Variants in RALY observed in about 807,000 individuals in gnomAD.
The protein encoded by RALY is RNA-binding protein Raly.
In RALY, 15 loss-of-function variants were observed where a neutral mutation model predicts 30.7. The observed-to-expected ratio is 0.49, with a 90% CI of 0.33 to 0.75. The LOEUF (loss-of-function observed/expected upper bound fraction) is 0.75, where lower values mean the gene tolerates loss of function less well. Ranked by LOEUF, RALY falls within the 30% of genes least tolerant of loss-of-function variation. The pLI, the probability that RALY is intolerant of heterozygous loss-of-function variation, is 0.02. For missense variants in RALY, 339 were observed against 414.3 expected, an observed-to-expected ratio of 0.82 and a Z score of 1.58; for synonymous variants, 177 against 170.8, an observed-to-expected ratio of 1.04 and a Z score of -0.28.
At chr20:34,029,161 A>G (rs992703948) in intron 1 of RALY, among the ~76,000 whole-genome samples, 3 of 152,152 alleles carry the variant, frequency 2.0e-5, no homozygotes, top group Admixed American at 2.0e-4. Flanking sequence ...CTGAACCAAG[A>G]GGAAGTTGAC....
intron 2 of RALY, among the ~76,000 whole-genome samples, chr20:34,069,584 C>T (rs1383414984): frequency 6.6e-6 from 1 of 152,138 alleles, no homozygotes; most frequent in Admixed American, 6.5e-5. Flanking sequence ...ACACAGGGGC[C>T]CTATTAACTT....
intron 5 of RALY, among the ~76,000 whole-genome samples, chr20:34,074,445 C>G (rs760278787): frequency 2.6e-5 from 4 of 152,126 alleles, no homozygotes; most frequent in African/African-American, 4.8e-5. Flanking sequence ...TAGATACTAA[C>G]TCAAATCTCT....
At chr20:34,020,225 T>A (rs1457568638) in intron 1 of RALY, among the ~76,000 whole-genome samples, 1 of 152,124 alleles carries the variant, frequency 6.6e-6, no homozygotes, top group Non-Finnish European at 1.5e-5. Context: ...ACAGATTACC[T>A]GGGAAGGAGG....
intron 2 of RALY, among the ~76,000 whole-genome samples, chr20:34,061,771 T>C (rs1316080131): frequency 6.6e-6 from 1 of 152,198 alleles, no homozygotes; most frequent in African/African-American, 2.4e-5. Flanking sequence ...AAACTTTGGA[T>C]AGGTTATAGG....
chr20:34,003,703 G>A (rs541439626), intron 1 of RALY, among the ~76,000 whole-genome samples: 272 of 148,942 alleles, frequency 1.8e-3, no homozygotes, highest in Non-Finnish European at 2.9e-3. Flanking sequence ...GCAGTGGCGG[G>A]ATCTCGGCTC....
intron 2 of RALY, among the ~76,000 whole-genome samples, chr20:34,033,001 A>G (rs1286059552): frequency 6.6e-6 from 1 of 152,186 alleles, no homozygotes; most frequent in Admixed American, 6.5e-5. Context: ...ACCTTCAAGC[A>G]GGCAGAGGCC....
intron 1 of RALY, among the ~76,000 whole-genome samples, chr20:33,999,423 G>A (rs1396300892): frequency 5.3e-5 from 8 of 152,296 alleles, no homozygotes; most frequent in African/African-American, 1.4e-4. Flanking sequence ...AACTGGTCAT[G>A]TTCCTGGCTA....
intron 2 of RALY, among the ~76,000 whole-genome samples, chr20:34,064,390 CCT>C (rs2123226342): frequency 6.6e-6 from 1 of 152,198 alleles, no homozygotes; most frequent in East Asian, 1.9e-4. Context: ...TTTGGGGTAT[CCT>C]CTCAGGGCCC....
chr20:34,073,411 A>G, intron 3 of RALY, 152 bp from the exon 4 acceptor site: 1 of 673,100 alleles, frequency 1.5e-6, no homozygotes, highest in South Asian at 1.7e-5. Context: ...TTTGAAGATT[A>G]GATGTATGAA....
In RALY at chr20:34,077,215, A is replaced by G. The variant is rs2033917140; in HGVS notation, c.846A>G (p.Glu282=). ...EARTRDDGDE[E]GLLTHSEEEL... ...GGACCCGAGACGACGGCGATGAGGA[A>G]GGGCTCCTGACACACAGCGAGGAAG... The change falls in exon 8 of 10, where the codon GAA becomes GAG. Residue 282 remains glutamate (E), a synonymous_variant. Coordinates refer to ENST00000246194, the MANE Select transcript of RALY (RefSeq NM_016732.3). The G allele has an allele frequency of 3.1e-6, 5 of 1,613,694 alleles. No individual in the cohort carries two copies. The highest frequency in any genetic ancestry group is 3.3e-4 in the Middle Eastern group (2 of 6,080).
intron 1 of RALY, 133 bp from the exon 2 acceptor site, chr20:34,031,389 A>G (rs970728469): frequency 6.6e-6 from 1 of 151,942 alleles, no homozygotes; most frequent in African/African-American, 2.4e-5. Flanking sequence ...GGCACTTAGC[A>G]CTACTTGAAA....
chr20:34,024,397 G>A (rs2031942434), intron 1 of RALY, among the ~76,000 whole-genome samples: 1 of 152,176 alleles, frequency 6.6e-6, no homozygotes, highest in African/African-American at 2.4e-5. Flanking sequence ...GGATCTTCTA[G>A]GGAAGGAGGA....
chr20:34,025,819 A>G (rs1846121267), intron 1 of RALY, among the ~76,000 whole-genome samples: 2 of 146,438 alleles, frequency 1.4e-5, no homozygotes, highest in African/African-American at 5.1e-5. Context: ...TTTGATGTCC[A>G]CACCCAGGCT....
intron 1 of RALY, among the ~76,000 whole-genome samples, chr20:34,020,574 G>C (rs1273170124): frequency 6.6e-6 from 1 of 152,228 alleles, no homozygotes; most frequent in Non-Finnish European, 1.5e-5. Flanking sequence ...ATTGGAGACA[G>C]ATTAGTTAGA....
intron 1 of RALY, among the ~76,000 whole-genome samples, chr20:33,997,469 C>T (rs2030695303): frequency 6.6e-6 from 1 of 152,112 alleles, no homozygotes; most frequent in Non-Finnish European, 1.5e-5. Context: ...CTTGTTTGCA[C>T]CTGCCCTTCT....
intron 2 of RALY, among the ~76,000 whole-genome samples, chr20:34,065,484 A>G (rs906022474): frequency 6.6e-6 from 1 of 152,208 alleles, no homozygotes; most frequent in African/African-American, 2.4e-5. Flanking sequence ...GAGCTGACTC[A>G]TGAGAGTGGG....
rs1162942412 is a variant in RALY, at chr20:34,077,039, AAGG to A, written c.671_673del (p.Lys224_Gly225delinsSer). On this transcript the variant is annotated inframe_deletion, in exon 8 of 10. Coordinates refer to ENST00000246194, the MANE Select transcript of RALY (RefSeq NM_016732.3). Reference sequence around the variant, plus strand: ...CCCTTCCCCTCAAGATGGCAAGAAGAAGGGTGATGGAGGTGGCGCCGGCGGCGG... The same window carrying A: ...CCCTTCCCCTCAAGATGGCAAGAAGAGTGATGGAGGTGGCGCCGGCGGCGG... 5 of 1,604,794 alleles carry A rather than the reference AAGG, an allele frequency of 3.1e-6. No individual in the cohort carries two copies. The highest frequency in any genetic ancestry group is 2.8e-5 in the African/African-American group (2 of 72,618).
At position 34,025,899 on chromosome 20, in the gene RALY, G is replaced by GTTTTTTTTTTT. The variant is rs35827160; in HGVS notation, c.-92-5611_-92-5601dup. ...AGCTTCCAGCAGTAGATTCCTGGTT[G>GTTTTTTTTTTT]TTTTTTTTTTTTTTTTTTTTTTGTG... On this transcript the variant is annotated intron_variant, in intron 1 of 9. Transcript: ENST00000246194. Among the ~76,000 whole-genome samples the GTTTTTTTTTTT allele has an allele frequency of 1.4e-4, 11 of 75,914 alleles. 2 individuals are homozygous for GTTTTTTTTTTT. The highest frequency in any genetic ancestry group is 6.4e-4 in the South Asian group (1 of 1,552). 49.8% of individuals were successfully genotyped at this position (75,914 alleles called of 152,430 possible).
chr20:34,048,277 C>G (rs1454986072), intron 2 of RALY, among the ~76,000 whole-genome samples: 1 of 152,148 alleles, frequency 6.6e-6, no homozygotes, highest in Admixed American at 6.5e-5. Flanking sequence ...CTGGGAGGCT[C>G]CTGACAGCAG....
Sources: gnomAD v4.1 joint callset for allele counts (sites outside exome capture counted in the v4.1 genomes callset) on GRCh38, gnomAD v4.1.1 for gene constraint, MANE v1.5 for transcripts, NCBI Gene and HGNC (gene_info 2026-07-23, HGNC 2026-07-21) for gene names.